The following DPH6 variants were observed in gnomAD, a reference collection of about 807,000 sequenced individuals.
DPH6 encodes the protein diphthamine biosynthesis 6, also known as diphthine--ammonia ligase.
In DPH6, 33 loss-of-function variants were observed where a neutral mutation model predicts 38.2. The observed-to-expected ratio is 0.86, with a 90% CI of 0.65 to 1.15. The LOEUF (loss-of-function observed/expected upper bound fraction) is 1.15. Among genes scored for constraint, DPH6 ranks in the 50% most tolerant of loss-of-function variants. The pLI, the probability that DPH6 is intolerant of heterozygous loss-of-function variation, is 0.00. For synonymous variants in DPH6, 108 were observed against 103.0 expected (o/e 1.05, Z -0.30); for missense variants, 325 against 320.0 (o/e 1.02, Z -0.12).
At chr15:35,300,282 G>A (rs1321541294) in intron 3 of DPH6, among the ~76,000 whole-genome samples, 1 of 152,178 alleles carries the variant, frequency 6.6e-6, no homozygotes, top group African/African-American at 2.4e-5. Flanking sequence ...TAAATGTAAC[G>A]GAAGCTATTG....
chr15:35,299,610 C>T (rs1367127717), intron 3 of DPH6, among the ~76,000 whole-genome samples: 3 of 152,166 alleles, frequency 2.0e-5, no homozygotes, highest in Admixed American at 2.0e-4. Context: ...AGAGCGCGCC[C>T]CATCTCTAAC....
At chr15:35,229,129 A>C (rs1213802291) in intron 3 of DPH6, among the ~76,000 whole-genome samples, 1 of 152,082 alleles carries the variant, frequency 6.6e-6, no homozygotes, top group African/African-American at 2.4e-5. Context: ...ATTGCTTTGA[A>C]TATTCTATCC....
intron 3 of DPH6, among the ~76,000 whole-genome samples, chr15:35,353,711 C>T (rs144632630): frequency 0.032 from 4,864 of 152,110 alleles, 237 homozygotes; most frequent in African/African-American, 0.11. Context: ...AGTCAGGTAG[C>T]GTGATGCCTC....
chr15:35,279,643 C>A (rs1488804989), intron 3 of DPH6, among the ~76,000 whole-genome samples: 1 of 152,118 alleles, frequency 6.6e-6, no homozygotes, highest in Admixed American at 6.5e-5. Flanking sequence ...ACCTGCTCCC[C>A]TTTGCCTTTC....
In DPH6 at chr15:35,408,150, C is replaced by T. The variant is rs1023993791; in HGVS notation, c.567+2685G>A. On this transcript the variant is annotated intron_variant, in intron 6 of 8. Transcript: ENST00000256538. Reference sequence around the variant, plus strand: ...TATTCGGAAATACAGCAGACAAGATCATGTTAATGAGTTAGATATAGCAGG... The same window carrying T: ...TATTCGGAAATACAGCAGACAAGATTATGTTAATGAGTTAGATATAGCAGG... Among the ~76,000 whole-genome samples, 3 of 151,858 alleles carry T rather than the reference C, an allele frequency of 2.0e-5. No individual in the cohort carries two copies. In the South Asian group the frequency reaches 6.2e-4, roughly 31 times the overall value.
At chr15:35,465,149 TAAG>T (rs962200347) in intron 3 of DPH6, among the ~76,000 whole-genome samples, 1 of 152,206 alleles carries the variant, frequency 6.6e-6, no homozygotes, top group African/African-American at 2.4e-5. Context: ...ATTACAAAGA[TAAG>T]AAGATATGCA....
chr15:35,419,056 A>AACAC (rs1322020569), intron 5 of DPH6, among the ~76,000 whole-genome samples: 8 of 111,310 alleles, frequency 7.2e-5, no homozygotes, highest in African/African-American at 2.6e-4. Context: ...TTCAAACTAA[A>AACAC]ACACACACAC....
chr15:35,177,873 C>G, the DPH6 span, among the ~76,000 whole-genome samples: 1 of 151,856 alleles, frequency 6.6e-6, no homozygotes, highest in East Asian at 1.9e-4. Flanking sequence ...ACCTGGGAGG[C>G]AGAGGTTGTG....
At chr15:35,349,189 G>A (rs561447580) in intron 3 of DPH6, among the ~76,000 whole-genome samples, 48 of 152,032 alleles carry the variant, frequency 3.2e-4, no homozygotes, top group East Asian at 3.9e-4. Context: ...CCAACACTAC[G>A]TTGAATAGAA....
intron 3 of DPH6, among the ~76,000 whole-genome samples, chr15:35,256,240 T>C (rs1469922604): frequency 6.6e-6 from 1 of 152,178 alleles, no homozygotes; most frequent in East Asian, 1.9e-4. Context: ...ATGCTCTTTT[T>C]CTGTTGCACG....
chr15:35,425,682 T>C (rs980466063), intron 5 of DPH6, among the ~76,000 whole-genome samples: 1 of 140,474 alleles, frequency 7.1e-6, no homozygotes, highest in Admixed American at 7.2e-5. Flanking sequence ...TGTATGTGTG[T>C]GTGTGTATGG....
At chr15:35,454,965 AG>A in intron 3 of DPH6, 145 bp from the exon 4 acceptor site, 1 of 557,244 alleles carries the variant, frequency 1.8e-6, no homozygotes, top group Non-Finnish European at 3.1e-6. Context: ...ATCGACATTC[AG>A]AAAAAATTTG....
intron 6 of DPH6, among the ~76,000 whole-genome samples, chr15:35,391,516 T>C (rs2053057013): frequency 6.6e-6 from 1 of 152,186 alleles, no homozygotes; most frequent in South Asian, 2.1e-4. Context: ...AGCCACTTTG[T>C]TTACCTACTC....
At chr15:35,267,945 C>T (rs1382426343) in intron 3 of DPH6, among the ~76,000 whole-genome samples, 2 of 152,090 alleles carry the variant, frequency 1.3e-5, no homozygotes, top group Non-Finnish European at 2.9e-5. Flanking sequence ...CCGAGGCCGG[C>T]AGATCATGAG....
intron 6 of DPH6, among the ~76,000 whole-genome samples, chr15:35,410,243 A>G (rs1370104895): frequency 6.6e-6 from 1 of 151,866 alleles, no homozygotes; most frequent in Non-Finnish European, 1.5e-5. Context: ...CATTCTAGTT[A>G]ATGATGCATT....
At chr15:35,358,067 CT>C (rs1292052541) in intron 3 of DPH6, among the ~76,000 whole-genome samples, 7 of 152,126 alleles carry the variant, frequency 4.6e-5, no homozygotes, top group Non-Finnish European at 1.0e-4. Flanking sequence ...TTCTTGGAGG[CT>C]TTGTTCATAT....
At chr15:35,262,018 C>T (rs184974178) in intron 3 of DPH6, among the ~76,000 whole-genome samples, 1 of 152,246 alleles carries the variant, frequency 6.6e-6, no homozygotes, top group Admixed American at 6.5e-5. Context: ...AAAAAGGGTC[C>T]TCATGACAAC....
At chr15:35,337,220 T>C (rs1486537028) in intron 3 of DPH6, among the ~76,000 whole-genome samples, 1 of 152,250 alleles carries the variant, frequency 6.6e-6, no homozygotes, top group Non-Finnish European at 1.5e-5. Flanking sequence ...TTCGATTTTC[T>C]AGTTTATTTG....
chr15:35,292,353 G>A (rs1458325268), intron 3 of DPH6, among the ~76,000 whole-genome samples: 2 of 152,122 alleles, frequency 1.3e-5, no homozygotes, highest in African/African-American at 4.8e-5. Flanking sequence ...AGAGGATTCA[G>A]TAGATCAATG....
Sources: gnomAD v4.1 joint callset for allele counts (sites outside exome capture counted in the v4.1 genomes callset) on GRCh38, gnomAD v4.1.1 for gene constraint, MANE v1.5 for transcripts, NCBI Gene and HGNC (gene_info 2026-07-23, HGNC 2026-07-21) for gene names.